NDUFAF3: variants seen among roughly 807,000 people sequenced by gnomAD.
NDUFAF3 encodes NADH:ubiquinone oxidoreductase complex assembly factor 3.
In NDUFAF3, 21 loss-of-function variants were observed where a neutral mutation model predicts 22.6. The ratio of observed to expected loss-of-function variants is 0.93; its 90% CI spans 0.66 to 1.34. The LOEUF is 1.34. Ranked by LOEUF, NDUFAF3 falls within the 40% of genes most tolerant of loss-of-function variation. The probability of loss-of-function intolerance (pLI) is 0.00; values close to 1 mark genes in which losing one functional copy is unlikely to be tolerated. For missense variants in NDUFAF3, 251 were observed against 248.4 expected (o/e 1.01, Z -0.07); for synonymous variants, 113 against 104.9 (o/e 1.08, Z -0.47).
In NDUFAF3 at chr3:49,023,052, G is replaced by C; in HGVS notation, c.439-4G>C. On this transcript the variant is annotated splice_polypyrimidine_tract_variant and splice_region_variant and intron_variant, in intron 4 of 4. Transcript: ENST00000326925. ...ACAGGCTGATGCTGGCCTTTTCTTT[G>C]CAGCCCAATGCCTGTGCCACCTTCA... 1 of 1,614,098 alleles carries C rather than the reference G, an allele frequency of 6.2e-7. No homozygotes were observed. The highest frequency in any genetic ancestry group is 8.5e-7 in the Non-Finnish European group (1 of 1,179,988).
upstream of NDUFAF3, chr3:49,020,845 C>T (rs940678097): frequency 5.7e-5 from 19 of 334,518 alleles, no homozygotes; most frequent in African/African-American, 2.6e-4. Flanking sequence ...AAGACGCTCA[C>T]CTGGGCCACA....
upstream of NDUFAF3, chr3:49,021,063 C>T (rs974991595): frequency 1.1e-4 from 18 of 158,636 alleles, no homozygotes; most frequent in African/African-American, 4.1e-4. This position sits in a 1 kb window ranked among gnomAD's most constrained non-coding sequence, Gnocchi z 4.1. Context: ...CTCGGGGACA[C>T]CCCCGCGCTC....
rs369439376 is a variant in NDUFAF3, at chr3:49,022,571, C to T, written c.270+33C>T. On this transcript the variant is annotated intron_variant, in intron 2 of 4. Transcript: ENST00000326925. This position sits in a 1 kb window ranked among gnomAD's most constrained non-coding sequence, Gnocchi z 6.6. ...CTGGCCCGCAGTGTGGAAACTGAGG[C>T]CCAGAGTCACAGGCCCTCACCCTGC... is the stretch of plus-strand genomic sequence containing the variant. The T allele has an allele frequency of 7.4e-6, 12 of 1,613,158 alleles. No homozygotes were observed. The highest frequency in any genetic ancestry group is 6.7e-5 in the African/African-American group (5 of 74,900).
chr3:49,022,499 C>A lies in NDUFAF3; in HGVS notation c.231C>A (p.Gly77=). 3.7e-6 allele frequency: 6 copies of A among 1,613,174 alleles called. No individual in the cohort carries two copies. The highest frequency in any genetic ancestry group is 5.1e-6 in the Non-Finnish European group (6 of 1,179,966). ...GFMINGNRVL[G]PCALLPHSVV... ...TGATAAACGGAAACCGCGTGCTCGG[C>A]CCCTGCGCTCTGCTCCCGCACTCGG... Residue 77 remains glycine, a synonymous_variant, in exon 2 of 5, where the codon GGC becomes GGA. Coordinates refer to ENST00000326925, the MANE Select transcript of NDUFAF3 (RefSeq NM_199069.2). The surrounding 1 kb of genome is among the most constrained non-coding windows in gnomAD (Gnocchi z 6.6).
rs1400583130 is a variant in NDUFAF3, at chr3:49,022,799, G to C, written c.337+31G>C. 27 of 1,613,722 alleles carry C rather than the reference G, an allele frequency of 1.7e-5. No individual in the cohort carries two copies. The highest frequency in any genetic ancestry group is 2.3e-5 in the Non-Finnish European group (27 of 1,179,968). The stretch of plus-strand genomic sequence containing the variant: ...GGGGAAGGGGAGGGAGAACAGAGGT[G>C]TTCTGGGCCCCAGAAGGCGACCCCC... On this transcript the variant is annotated intron_variant, in intron 3 of 4. Coordinates refer to ENST00000326925, the MANE Select transcript of NDUFAF3 (RefSeq NM_199069.2). The surrounding 1 kb of genome is among the most constrained non-coding windows in gnomAD (Gnocchi z 6.6).
chr3:49,023,341 G>C lies in NDUFAF3; in HGVS notation c.*169G>C, dbSNP rs886058669. ...GAGCTGATGGCTCACTGGGCTCTTG[G>C]AGGGGAATGTGAAGAAACCAAGGAG... On this transcript the variant is annotated 3_prime_UTR_variant, in exon 5 of 5. Transcript: ENST00000326925. 1.7e-4 allele frequency: 116 copies of C among 697,384 alleles called. No homozygotes were observed. Among genetic ancestry groups the C allele is most frequent in the Middle Eastern group, 3.7e-4 (1 of 2,682 alleles). 43.2% of individuals were successfully genotyped at this position (697,384 alleles called of 1,614,324 possible).
upstream of NDUFAF3, chr3:49,021,978 A>C: frequency 1.5e-6 from 1 of 682,446 alleles, no homozygotes; most frequent in Non-Finnish European, 2.5e-6. This position sits in a 1 kb window ranked among gnomAD's most constrained non-coding sequence, Gnocchi z 4.1. Flanking sequence ...AGGTCGGGGA[A>C]CTCGGCCTCC....
Position 49,023,227 on chromosome 3 carries a change from C to T in NDUFAF3, c.*55C>T, listed in dbSNP as rs989256101. ...TCTGCCAGGCTTCCCAATGCTTTCA[C>T]TCTTATCTACCCTTTGGCACTTATC... On this transcript the variant is annotated 3_prime_UTR_variant, in exon 5 of 5. Coordinates refer to ENST00000326925, the MANE Select transcript of NDUFAF3 (RefSeq NM_199069.2). The T allele has an allele frequency of 8.7e-6, 11 of 1,264,878 alleles. No individual in the cohort carries two copies. The highest frequency in any genetic ancestry group is 1.5e-5 in the African/African-American group (1 of 67,874). The allele number at this position is 1,264,878 out of a possible 1,614,324, so 78.4% of individuals were successfully genotyped here.
Position 49,022,667 on chromosome 3 carries a change from A to T in NDUFAF3, c.271-35A>T. ...ATGGAGATGGGGAGAGGCTGCGTGG[A>T]TTTGTCGTATTAAATGTGCCTCCTC... On this transcript the variant is annotated intron_variant, in intron 2 of 4. Transcript: ENST00000326925. The surrounding 1 kb of genome is among the most constrained non-coding windows in gnomAD (Gnocchi z 6.6). The T allele has an allele frequency of 6.2e-7, 1 of 1,613,506 alleles. No homozygotes were observed. Among genetic ancestry groups the T allele is most frequent in the South Asian group, 1.1e-5 (1 of 91,040 alleles).
rs758004516 is a variant in NDUFAF3 at position 49,022,360 on chromosome 3, G to A, written c.92G>A (p.Gly31Glu). ...PVELPWAPRRGHRLSPADDEL... is the reference protein window; with the variant it reads ...PVELPWAPRREHRLSPADDEL... Reference sequence around the variant, plus strand: ...TCCCTCCGCAGGGCCCCGCGGCGAGGGCATCGGCTCTCGCCGGCGGATGAC... The same window carrying A: ...TCCCTCCGCAGGGCCCCGCGGCGAGAGCATCGGCTCTCGCCGGCGGATGAC... The change falls in exon 2 of 5, where the codon GGG becomes GAG. Residue 31 changes from glycine to glutamate, a missense_variant. Gly to Glu is a moderately conservative substitution (Grantham distance 98). Coordinates refer to ENST00000326925, the MANE Select transcript of NDUFAF3 (RefSeq NM_199069.2). The surrounding 1 kb of genome is among the most constrained non-coding windows in gnomAD (Gnocchi z 6.6). The A allele has an allele frequency of 5.5e-5, 88 of 1,612,160 alleles. No individual in the cohort carries two copies. In the African/African-American group the frequency reaches 6.1e-4, roughly 11 times the overall value.
In NDUFAF3 at chr3:49,022,673, C is replaced by A. The variant is rs767160391; in HGVS notation, c.271-29C>A. On this transcript the variant is annotated intron_variant, in intron 2 of 4. Transcript: ENST00000326925. The surrounding 1 kb of genome is among the most constrained non-coding windows in gnomAD (Gnocchi z 6.6). ...ATGGGGAGAGGCTGCGTGGATTTGT[C>A]GTATTAAATGTGCCTCCTCCCTGCA... is the stretch of plus-strand genomic sequence containing the variant. 9 of 1,613,678 alleles carry A rather than the reference C, an allele frequency of 5.6e-6. No homozygotes were observed. Among genetic ancestry groups the A allele is most frequent in the South Asian group, 1.1e-5 (1 of 91,020 alleles).
Position 49,022,662 on chromosome 3 carries a change from C to T in NDUFAF3, c.271-40C>T, listed in dbSNP as rs1182876585. On this transcript the variant is annotated intron_variant, in intron 2 of 4. Coordinates refer to ENST00000326925, the MANE Select transcript of NDUFAF3 (RefSeq NM_199069.2). The surrounding 1 kb of genome is among the most constrained non-coding windows in gnomAD (Gnocchi z 6.6). ...AGTGGATGGAGATGGGGAGAGGCTG[C>T]GTGGATTTGTCGTATTAAATGTGCC... 6.2e-7 allele frequency: 1 copy of T among 1,613,504 alleles called. No individual in the cohort carries two copies. Among genetic ancestry groups the T allele is most frequent in the Non-Finnish European group, 8.5e-7 (1 of 1,179,576 alleles).
At chr3:49,021,242 A>G (rs1383193335), upstream of NDUFAF3, 1 of 152,308 alleles carries the variant, frequency 6.6e-6, no homozygotes, top group Non-Finnish European at 1.5e-5. This position sits in a 1 kb window ranked among gnomAD's most constrained non-coding sequence, Gnocchi z 4.1. Context: ...CGGGTAGCGA[A>G]AGCGACAATG....
upstream of NDUFAF3, chr3:49,020,543 G>T: frequency 2.2e-6 from 1 of 450,666 alleles, no homozygotes; most frequent in Admixed American, 2.5e-5. Flanking sequence ...GCAACTGAGA[G>T]GAACTGAGAC....
rs2106771466 is a variant in NDUFAF3, at chr3:49,022,535, G to A, written c.267G>A (p.Trp89Ter). 1 of 1,613,286 alleles carries A rather than the reference G, an allele frequency of 6.2e-7. No homozygotes were observed. The highest frequency in any genetic ancestry group is 1.3e-5 in the African/African-American group (1 of 75,056). Residue 89 changes from tryptophan (W) to a stop codon, truncating the protein, a stop_gained, in exon 2 of 5, where the codon TGG (tryptophan) becomes TGA (stop). Transcript: ENST00000326925. LOFTEE classifies it high-confidence loss of function. This position sits in a 1 kb window ranked among gnomAD's most constrained non-coding sequence, Gnocchi z 6.6. ...CALLPHSVVQ[W>*]NVGSHQDITE... ...TGCTCCCGCACTCGGTGGTGCAGTGGAACGTGAGTCCTGGCCCGCAGTGTG... is the reference window on the plus strand; with the variant it reads ...TGCTCCCGCACTCGGTGGTGCAGTGAAACGTGAGTCCTGGCCCGCAGTGTG...
In NDUFAF3 at chr3:49,022,250, TCCAGCCCCCTAGGGCCGGCGACTG is replaced by T. The variant is rs750390057; in HGVS notation, c.77+37_77+60del. On this transcript the variant is annotated intron_variant, in intron 1 of 4. Coordinates refer to ENST00000326925, the MANE Select transcript of NDUFAF3 (RefSeq NM_199069.2). The surrounding 1 kb of genome is among the most constrained non-coding windows in gnomAD (Gnocchi z 6.6). The stretch of plus-strand genomic sequence containing the variant: ...AGCTTGGACCCCGCGCCCTCGACCA[TCCAGCCCCCTAGGGCCGGCGACTG>T]CCAGCCCAGCACCTTCCGGCCTCTC... 9 of 1,609,582 alleles carry T rather than the reference TCCAGCCCCCTAGGGCCGGCGACTG, an allele frequency of 5.6e-6. No individual in the cohort carries two copies. The Admixed American group carries it at 1.2e-4, about 21-fold the overall frequency.
chr3:49,020,839 C>G (rs2093149786), upstream of NDUFAF3: 3 of 343,256 alleles, frequency 8.7e-6, 1 homozygote, highest in South Asian at 6.6e-5. Flanking sequence ...GGGAACAAGA[C>G]GCTCACCTGG....
In NDUFAF3 at chr3:49,022,428, G is replaced by A. The variant is rs764660082; in HGVS notation, c.160G>A (p.Ala54Thr). Residue 54 changes from alanine to threonine, a missense_variant, in exon 2 of 5, where the codon GCC becomes ACC. Physicochemically the swap from Ala to Thr is moderately conservative, Grantham distance 58. Transcript: ENST00000326925. This position sits in a 1 kb window ranked among gnomAD's most constrained non-coding sequence, Gnocchi z 6.6. ...RTRISLLQRE[A>T]AQAMYIDSYN... ...GCGCATCTCTCTGCTGCAACGCGAG[G>A]CCGCTCAGGCAATGTACATCGACAG... 8 of 1,613,030 alleles carry A rather than the reference G, an allele frequency of 5.0e-6. No individual in the cohort carries two copies. In the South Asian group the frequency reaches 7.7e-5, roughly 15 times the overall value.
upstream of NDUFAF3, chr3:49,020,829 G>A (rs904860485): frequency 1.1e-5 from 4 of 363,026 alleles, no homozygotes; most frequent in African/African-American, 6.4e-5. Flanking sequence ...GGAGTCTAGA[G>A]GGAACAAGAC....
Sources: gnomAD v4.1 joint callset for allele counts on GRCh38, gnomAD v4.1.1 for gene constraint, Gnocchi (gnomAD v3.1) non-coding constraint, MANE v1.5 for transcripts, NCBI Gene and HGNC (gene_info 2026-07-23, HGNC 2026-07-21) for gene names.